KLHL29: variants seen among roughly 807,000 people sequenced by gnomAD.
The protein encoded by KLHL29 is kelch like family member 29, also known as kelch-like protein 29.
In KLHL29, 21 loss-of-function variants were observed where a neutral mutation model predicts 80.4. The observed-to-expected ratio is 0.26, with a 90% CI of 0.19 to 0.38. The LOEUF (loss-of-function observed/expected upper bound fraction) is 0.38. Ranked by LOEUF, KLHL29 falls within the 10% of genes least tolerant of loss-of-function variation. The pLI, the probability that KLHL29 is intolerant of heterozygous loss-of-function variation, is 1.00. For synonymous variants in KLHL29, 511 were observed against 526.8 expected (o/e 0.97, Z 0.41); for missense variants, 867 against 1,223.9 (o/e 0.71, Z 4.35).
intron 2 of KLHL29, among the ~76,000 whole-genome samples, chr2:23,486,678 AATCCATTTAGAATGAG>A (rs1664939840): frequency 6.6e-6 from 1 of 152,196 alleles, no homozygotes; most frequent in Non-Finnish European, 1.5e-5. Flanking sequence ...AATAAACAAT[AATCCATTTAGAATGAG>A]GCTTGATGAG....
At chr2:23,593,105 G>T (rs1668309552) in intron 3 of KLHL29, among the ~76,000 whole-genome samples, 1 of 152,206 alleles carries the variant, frequency 6.6e-6, no homozygotes, top group Non-Finnish European at 1.5e-5. Context: ...GATGTCCTTT[G>T]GGAAGGGGGC....
In KLHL29 at chr2:23,596,295, A is replaced by G. The variant is rs948326658; in HGVS notation, c.285+33814A>G. 2.0e-5 allele frequency among the ~76,000 whole-genome samples: 3 copies of G among 152,182 alleles called. No individual in the cohort carries two copies. The highest frequency in any genetic ancestry group is 2.4e-5 in the African/African-American group (1 of 41,462). On this transcript the variant is annotated intron_variant, in intron 3 of 13. Coordinates refer to ENST00000486442, the MANE Select transcript of KLHL29 (RefSeq NM_052920.2). This position sits in a 1 kb window ranked among gnomAD's most constrained non-coding sequence, Gnocchi z 4.4. ...ATTAAAAATGTAGTGGATTTAAATC[A>G]TGCCCACCTCATTTTGCAAGGGTTT... is the stretch of plus-strand genomic sequence containing the variant.
chr2:23,490,302 G>A (rs924196999), intron 2 of KLHL29, among the ~76,000 whole-genome samples: 1 of 152,138 alleles, frequency 6.6e-6, no homozygotes, highest in Non-Finnish European at 1.5e-5. Flanking sequence ...AAATCTGATT[G>A]GAAAGCAGTA....
chr2:23,547,113 G>A (rs894773857), intron 2 of KLHL29, among the ~76,000 whole-genome samples: 1 of 152,164 alleles, frequency 6.6e-6, no homozygotes, highest in African/African-American at 2.4e-5. Flanking sequence ...GCCGGCACCG[G>A]GTCTCTGCAC....
chr2:23,526,803 A>T (rs1446258744), intron 2 of KLHL29, among the ~76,000 whole-genome samples: 2 of 152,108 alleles, frequency 1.3e-5, no homozygotes, highest in Non-Finnish European at 2.9e-5. Context: ...GTAGCTCGAA[A>T]CGGCCACAGT....
At chr2:23,432,006 C>G (rs181244336) in intron 1 of KLHL29, among the ~76,000 whole-genome samples, 1 of 152,062 alleles carries the variant, frequency 6.6e-6, no homozygotes, top group Non-Finnish European at 1.5e-5. Context: ...TAATACCACC[C>G]GCCCCAGGGA....
At chr2:23,654,708 G>GGGGGGGGGGGGT (rs1670192200) in intron 5 of KLHL29, among the ~76,000 whole-genome samples, 5 of 79,724 alleles carry the variant, frequency 6.3e-5, no homozygotes, top group Non-Finnish European at 8.9e-5. Flanking sequence ...GGGGGGGGGG[G>GGGGGGGGGGGGT]TGGATGTTTT....
chr2:23,416,088 C>T (rs960321940), intron 1 of KLHL29, among the ~76,000 whole-genome samples: 5 of 152,080 alleles, frequency 3.3e-5, no homozygotes, highest in African/African-American at 1.2e-4. Flanking sequence ...GGAGTTACAC[C>T]TTCATGGCAA....
At chr2:23,619,998 A>T (rs536905506) in intron 3 of KLHL29, among the ~76,000 whole-genome samples, 1 of 152,330 alleles carries the variant, frequency 6.6e-6, no homozygotes, top group Admixed American at 6.5e-5. Flanking sequence ...ACCAGGGGAA[A>T]TGCATCTGAC....
intron 2 of KLHL29, among the ~76,000 whole-genome samples, chr2:23,477,503 C>T (rs1466383771): frequency 6.6e-6 from 1 of 152,250 alleles, no homozygotes; most frequent in Non-Finnish European, 1.5e-5. Flanking sequence ...AGGTTCCCCA[C>T]CCTGTGACCC....
chr2:23,562,220 C>T lies in KLHL29; in HGVS notation c.24C>T (p.Phe8=), dbSNP rs777978425. The change falls in exon 3 of 14, where the codon TTC becomes TTT. Residue 8 remains phenylalanine (F), a synonymous_variant. Transcript: ENST00000486442. The surrounding 1 kb of genome is among the most constrained non-coding windows in gnomAD (Gnocchi z 4.5). MSRHHSR[F]ERDYRVGWDR... ...AGATGTCCCGGCACCATAGCCGCTT[C>T]GAAAGAGATTACCGGGTGGGCTGGG... is the stretch of plus-strand genomic sequence containing the variant. The T allele has an allele frequency of 1.2e-4, 191 of 1,550,600 alleles. No homozygotes were observed. The African/African-American group carries it at 2.3e-3, about 18-fold the overall frequency.
intron 3 of KLHL29, among the ~76,000 whole-genome samples, chr2:23,564,878 T>C (rs1350552651): frequency 6.6e-6 from 1 of 152,226 alleles, no homozygotes; most frequent in Non-Finnish European, 1.5e-5. Context: ...CCTGAAGTTA[T>C]TGGCAGGGGA....
At chr2:23,478,591 G>A (rs1164909734) in intron 2 of KLHL29, among the ~76,000 whole-genome samples, 1 of 152,184 alleles carries the variant, frequency 6.6e-6, no homozygotes, top group Admixed American at 6.5e-5. Context: ...GCAGGAAAGA[G>A]GGGTGGGGGG....
At chr2:23,585,718 G>C (rs1322398756) in intron 3 of KLHL29, among the ~76,000 whole-genome samples, 1 of 152,090 alleles carries the variant, frequency 6.6e-6, no homozygotes, top group Non-Finnish European at 1.5e-5. Context: ...CAAGGGGAGG[G>C]GACCCATATG....
intron 3 of KLHL29, among the ~76,000 whole-genome samples, chr2:23,636,279 G>A (rs1031985930): frequency 6.6e-6 from 1 of 152,140 alleles, no homozygotes; most frequent in African/African-American, 2.4e-5. Flanking sequence ...AGTGGAGGAA[G>A]GAATGTCATT....
intron 1 of KLHL29, among the ~76,000 whole-genome samples, chr2:23,429,173 T>TA (rs1228847532): frequency 6.6e-6 from 1 of 152,216 alleles, no homozygotes; most frequent in African/African-American, 2.4e-5. Context: ...CACGTGTGCA[T>TA]ACATGCTCAG....
intron 1 of KLHL29, among the ~76,000 whole-genome samples, chr2:23,419,803 A>G (rs1662734203): frequency 1.3e-5 from 2 of 151,700 alleles, no homozygotes; most frequent in Non-Finnish European, 2.9e-5. Flanking sequence ...CCTTTTCCCC[A>G]CTCAGGCGAT....
Position 23,680,887 on chromosome 2 carries a change from T to C in KLHL29, c.941-3512T>C, listed in dbSNP as rs149614836. Among the ~76,000 whole-genome samples the C allele has an allele frequency of 0.011, 1,723 of 152,244 alleles. 20 individuals are homozygous for C. The highest frequency in any genetic ancestry group is 0.031 in the Middle Eastern group (9 of 294). ...GCAGGGTGCCAGGTGCTTCTGGAAGTCCACTCTGAAGACCCAGCCCCGAGG... is the reference window on the plus strand; with the variant it reads ...GCAGGGTGCCAGGTGCTTCTGGAAGCCCACTCTGAAGACCCAGCCCCGAGG... On this transcript the variant is annotated intron_variant, in intron 5 of 13. Coordinates refer to ENST00000486442, the MANE Select transcript of KLHL29 (RefSeq NM_052920.2). The surrounding 1 kb of genome is among the most constrained non-coding windows in gnomAD (Gnocchi z 4.1).
intron 5 of KLHL29, among the ~76,000 whole-genome samples, chr2:23,658,671 C>A (rs1219148162): frequency 6.6e-6 from 1 of 152,162 alleles, no homozygotes; most frequent in Admixed American, 6.5e-5. Flanking sequence ...AGAGGCCTTC[C>A]GGTTGTTGAG....
Sources: gnomAD v4.1 joint callset for allele counts (sites outside exome capture counted in the v4.1 genomes callset) on GRCh38, gnomAD v4.1.1 for gene constraint, Gnocchi (gnomAD v3.1) non-coding constraint, MANE v1.5 for transcripts, NCBI Gene and HGNC (gene_info 2026-07-23, HGNC 2026-07-21) for gene names.